PACRG: variants seen among roughly 807,000 people sequenced by gnomAD.
PACRG encodes the protein parkin coregulated.
Under a neutral mutation model 29.7 loss-of-function variants are expected in PACRG, and 29 were observed. That is an observed-to-expected ratio of 0.98 (90% confidence interval 0.73 to 1.33). PACRG has a LOEUF of 1.33. PACRG is among the 40% of genes most tolerant of loss of function. The pLI, the probability that PACRG is intolerant of heterozygous loss-of-function variation, is 0.00. For synonymous variants in PACRG, 116 were observed against 118.7 expected (o/e 0.98, Z 0.15); for missense variants, 279 against 316.2 (o/e 0.88, Z 0.89).
At chr6:162,842,703 A>G (rs1789911968) in intron 2 of PACRG, among the ~76,000 whole-genome samples, 1 of 122,640 alleles carries the variant, frequency 8.2e-6, no homozygotes, top group East Asian at 2.4e-4. Flanking sequence ...GATGGTCTTT[A>G]CATTTTGGCA....
chr6:162,898,232 G>A (rs1479566390), intron 2 of PACRG, among the ~76,000 whole-genome samples: 1 of 152,188 alleles, frequency 6.6e-6, no homozygotes, highest in Admixed American at 6.5e-5. Flanking sequence ...GACAGATGGT[G>A]CTAAGCGGAA....
chr6:162,983,682 A>G (rs1802626527), intron 2 of PACRG, among the ~76,000 whole-genome samples: 1 of 151,990 alleles, frequency 6.6e-6, no homozygotes, highest in Non-Finnish European at 1.5e-5. Context: ...GTCTGTTGTT[A>G]GTCTGATAGT....
intron 4 of PACRG, among the ~76,000 whole-genome samples, chr6:163,111,462 A>G (rs1815709718): frequency 6.6e-6 from 1 of 152,250 alleles, no homozygotes; most frequent in African/African-American, 2.4e-5. Flanking sequence ...AGCTAGTTGA[A>G]CTGCCTGGAG....
intron 4 of PACRG, among the ~76,000 whole-genome samples, chr6:163,141,100 A>T (rs1817132783): frequency 6.6e-6 from 1 of 152,232 alleles, no homozygotes; most frequent in Non-Finnish European, 1.5e-5. Flanking sequence ...CAGACGCCAC[A>T]AAGACCCACT....
At chr6:163,186,520 C>A (rs551897444) in intron 4 of PACRG, among the ~76,000 whole-genome samples, 30 of 152,262 alleles carry the variant, frequency 2.0e-4, no homozygotes, top group African/African-American at 6.7e-4. Context: ...GCCTGTTTTG[C>A]CTGGCTGTGC....
At chr6:162,786,462 A>G (rs115269171) in intron 1 of PACRG, among the ~76,000 whole-genome samples, 1 of 152,310 alleles carries the variant, frequency 6.6e-6, no homozygotes, top group African/African-American at 2.4e-5. Context: ...TGTGGAATTA[A>G]TGTATGCTAT....
At chr6:163,280,699 T>C (rs1784198692) in intron 4 of PACRG, among the ~76,000 whole-genome samples, 1 of 152,196 alleles carries the variant, frequency 6.6e-6, no homozygotes, top group Non-Finnish European at 1.5e-5. Context: ...ACCTTCTCAC[T>C]GTGCACTCAC....
intron 4 of PACRG, among the ~76,000 whole-genome samples, chr6:163,156,119 C>T (rs959045890): frequency 5.9e-5 from 9 of 152,232 alleles, no homozygotes; most frequent in African/African-American, 2.2e-4. Context: ...CCCTGAGCTG[C>T]CGCAGTCTCC....
chr6:163,120,449 A>G (rs1274888217), intron 4 of PACRG, among the ~76,000 whole-genome samples: 1 of 152,122 alleles, frequency 6.6e-6, no homozygotes, highest in Non-Finnish European at 1.5e-5. Context: ...TTTAGCTCCC[A>G]AAGGATCCTA....
intron 2 of PACRG, among the ~76,000 whole-genome samples, chr6:163,004,599 C>T (rs898048729): frequency 2.7e-4 from 41 of 151,696 alleles, no homozygotes; most frequent in African/African-American, 9.5e-4. Context: ...CCTGATCTCT[C>T]CCTTGACATG....
At chr6:162,772,442 C>T (rs1452890569) in intron 1 of PACRG, among the ~76,000 whole-genome samples, 1 of 152,052 alleles carries the variant, frequency 6.6e-6, no homozygotes, top group African/African-American at 2.4e-5. Context: ...TTTAAAAATC[C>T]TTGCAAAGAG....
intron 2 of PACRG, among the ~76,000 whole-genome samples, chr6:162,881,333 T>G (rs1445992692): frequency 6.6e-6 from 1 of 152,160 alleles, no homozygotes; most frequent in African/African-American, 2.4e-5. Context: ...CTTTCATGTC[T>G]AAGTCCTACA....
intron 4 of PACRG, among the ~76,000 whole-genome samples, chr6:163,158,176 G>A (rs1778398385): frequency 6.6e-6 from 1 of 152,156 alleles, no homozygotes; most frequent in Non-Finnish European, 1.5e-5. Context: ...TTCTGCTTCT[G>A]TAGTAAAATG....
intron 4 of PACRG, among the ~76,000 whole-genome samples, chr6:163,238,604 G>A (rs1346010170): frequency 1.3e-5 from 2 of 152,212 alleles, no homozygotes; most frequent in African/African-American, 4.8e-5. Flanking sequence ...TCATCCCACT[G>A]CCCCACATGG....
intron 3 of PACRG, among the ~76,000 whole-genome samples, chr6:163,084,151 C>T (rs368229263): frequency 9.9e-5 from 15 of 152,224 alleles, no homozygotes; most frequent in East Asian, 3.9e-4. Context: ...TGTCAGTAGA[C>T]TCCTCATGTT....
Position 163,083,656 on chromosome 6 carries a change from C to T in PACRG, c.464-5603C>T, listed in dbSNP as rs74746300. Reference sequence around the variant, plus strand: ...GTTCATTTTTATGTATTAATTTGTGCGTTGTCTGTTTATGTGCCGTGCCCA... The same window carrying T: ...GTTCATTTTTATGTATTAATTTGTGTGTTGTCTGTTTATGTGCCGTGCCCA... On this transcript the variant is annotated intron_variant, in intron 3 of 4. Coordinates refer to ENST00000366888, the MANE Select transcript of PACRG (RefSeq NM_001080379.2). Among the ~76,000 whole-genome samples the T allele has an allele frequency of 5.1e-3, 781 of 152,134 alleles. 14 individuals carry two copies. The East Asian group carries it at 0.065, about 13-fold the overall frequency.
intron 2 of PACRG, among the ~76,000 whole-genome samples, chr6:162,848,652 T>G (rs1053814896): frequency 6.6e-6 from 1 of 152,266 alleles, no homozygotes; most frequent in Non-Finnish European, 1.5e-5. Context: ...TTGAAACACC[T>G]TATTTCCATT....
intron 2 of PACRG, among the ~76,000 whole-genome samples, chr6:162,941,048 A>ATG (rs370462604): frequency 0.25 from 20,161 of 81,640 alleles, 2,036 homozygotes; most frequent in East Asian, 0.54. Context: ...GTGTTTGTGC[A>ATG]TGTGTGTGTG....
chr6:163,148,146 G>A (rs965808896), intron 4 of PACRG, among the ~76,000 whole-genome samples: 1 of 152,114 alleles, frequency 6.6e-6, no homozygotes, highest in Non-Finnish European at 1.5e-5. Context: ...TGTTGAGGGC[G>A]GGTATTCTTA....
Sources: gnomAD v4.1 joint callset for allele counts (sites outside exome capture counted in the v4.1 genomes callset) on GRCh38, gnomAD v4.1.1 for gene constraint, MANE v1.5 for transcripts, NCBI Gene and HGNC (gene_info 2026-07-23, HGNC 2026-07-21) for gene names.